Variants in ZBTB8B observed in about 807,000 individuals in gnomAD.
ZBTB8B encodes the protein zinc finger and BTB domain containing 8B.
ZBTB8B carries 17 observed loss-of-function variants against 30.3 expected under a neutral mutation model. The ratio of observed to expected loss-of-function variants is 0.56; its 90% CI spans 0.38 to 0.84. ZBTB8B has a LOEUF of 0.84. Ranked by LOEUF, ZBTB8B falls within the 40% of genes least tolerant of loss-of-function variation. The pLI is 0.00. For missense variants in ZBTB8B, 515 were observed against 644.9 expected (o/e 0.80, Z 2.18); for synonymous variants, 248 against 255.6 (o/e 0.97, Z 0.28).
In ZBTB8B at chr1:32,470,936, C is replaced by T. The variant is rs1643612856; in HGVS notation, c.312C>T (p.Tyr104=). The T allele has an allele frequency of 6.4e-7, 1 of 1,552,222 alleles. No homozygotes were observed. The highest frequency in any genetic ancestry group is 2.4e-5 in the East Asian group (1 of 40,932). ...TTGAAGTGATGTCGGCTGCCAGCTA[C>T]CTGCAGATGAATGACGTGGTGAACT... ...NVIEVMSAAS[Y]LQMNDVVNFC... is the part of the protein sequence containing the mutation. The change falls in exon 2 of 4, where the codon TAC becomes TAT. Residue 104 remains tyrosine, a synonymous_variant. Transcript: ENST00000609129.
chr1:32,467,796 C>A (rs1009542500), intron 1 of ZBTB8B, among the ~76,000 whole-genome samples: 15 of 151,978 alleles, frequency 9.9e-5, no homozygotes, highest in Non-Finnish European at 2.1e-4. Flanking sequence ...AGTTAGGAGT[C>A]TCCCAGTTGC....
chr1:32,482,599 A>G (rs1053406074), intron 3 of ZBTB8B, among the ~76,000 whole-genome samples: 2 of 133,548 alleles, frequency 1.5e-5, no homozygotes, highest in Non-Finnish European at 3.1e-5. Context: ...TGAACCCGGG[A>G]GGTGGAGGTT....
At chr1:32,470,492 G>A (rs983943874) in intron 1 of ZBTB8B, 92 bp from the exon 2 acceptor site, 18 of 1,130,954 alleles carry the variant, frequency 1.6e-5, no homozygotes, top group East Asian at 2.9e-5. Flanking sequence ...AGAGCAAGAC[G>A]CTGACTCAAA....
rs529245953 is a variant in ZBTB8B at position 32,474,415 on chromosome 1, C to T, written c.991+2800C>T. Reference sequence around the variant, plus strand: ...ATTAGCCAGGCGTCATTGCATGTACCCATAGTCCCAGCTACTCAGGAGGCT... The same window carrying T: ...ATTAGCCAGGCGTCATTGCATGTACTCATAGTCCCAGCTACTCAGGAGGCT... On this transcript the variant is annotated intron_variant, in intron 2 of 3. Transcript: ENST00000609129. Among the ~76,000 whole-genome samples the T allele has an allele frequency of 6.1e-4, 89 of 145,938 alleles. No individual in the cohort carries two copies. The Middle Eastern group carries it at 0.011, about 18-fold the overall frequency.
At position 32,471,120 on chromosome 1, in the gene ZBTB8B, G is replaced by C. The variant is rs1472305187; in HGVS notation, c.496G>C (p.Glu166Gln). The change falls in exon 2 of 4, where the codon GAG becomes CAG. Residue 166 changes from glutamate to glutamine, a missense_variant. Physicochemically the swap from Glu to Gln is conservative, Grantham distance 29 (BLOSUM62 2). Transcript: ENST00000609129. ...VDSESPSSGR[E>Q]GTSCGTKSLV... ...CAGTGAAAGCCCCAGTTCAGGCCGGGAGGGGACCTCCTGTGGTACCAAGAG... is the reference window on the plus strand; with the variant it reads ...CAGTGAAAGCCCCAGTTCAGGCCGGCAGGGGACCTCCTGTGGTACCAAGAG... The C allele has an allele frequency of 1.3e-6, 2 of 1,551,682 alleles. No homozygotes were observed. Among genetic ancestry groups the C allele is most frequent in the Non-Finnish European group, 1.7e-6 (2 of 1,147,004 alleles).
At chr1:32,477,079 C>A (rs1186609257) in intron 2 of ZBTB8B, among the ~76,000 whole-genome samples, 5 of 152,114 alleles carry the variant, frequency 3.3e-5, no homozygotes, top group Admixed American at 1.3e-4. Context: ...CTTCCTCTGC[C>A]CAAGATACCT....
chr1:32,472,449 T>A (rs1643631481), intron 2 of ZBTB8B, among the ~76,000 whole-genome samples: 1 of 152,244 alleles, frequency 6.6e-6, no homozygotes, highest in South Asian at 2.1e-4. Context: ...ATTTCCTCTA[T>A]GCTGGGAGGT....
chr1:32,476,228 T>G (rs1385629749), intron 2 of ZBTB8B, among the ~76,000 whole-genome samples: 4 of 152,032 alleles, frequency 2.6e-5, no homozygotes, highest in Non-Finnish European at 5.9e-5. Flanking sequence ...CTCGACCTCC[T>G]GGGCTCAAGT....
intron 2 of ZBTB8B, among the ~76,000 whole-genome samples, chr1:32,478,911 G>T (rs137955756): frequency 1.3e-5 from 2 of 152,212 alleles, no homozygotes; most frequent in Non-Finnish European, 2.9e-5. Flanking sequence ...AAGAGATTAC[G>T]ATGATGACAA....
chr1:32,477,971 C>T (rs1245478363), intron 2 of ZBTB8B, among the ~76,000 whole-genome samples: 1 of 151,216 alleles, frequency 6.6e-6, no homozygotes, highest in African/African-American at 2.4e-5. Flanking sequence ...ACAGGAGATT[C>T]ACTTGAACCT....
At chr1:32,478,650 A>G (rs574979016) in intron 2 of ZBTB8B, among the ~76,000 whole-genome samples, 2 of 152,360 alleles carry the variant, frequency 1.3e-5, no homozygotes, top group East Asian at 3.9e-4. Flanking sequence ...GGAAACAGAT[A>G]TCGGAGTCAC....
chr1:32,468,828 T>C (rs1475287132), intron 1 of ZBTB8B, among the ~76,000 whole-genome samples: 1 of 150,048 alleles, frequency 6.7e-6, no homozygotes, highest in Non-Finnish European at 1.5e-5. Context: ...GCCATTGCAC[T>C]CCAGCCTGGG....
chr1:32,479,166 G>GTGATATGATATGATA (rs55796835), intron 2 of ZBTB8B, among the ~76,000 whole-genome samples: 1 of 151,972 alleles, frequency 6.6e-6, no homozygotes, highest in South Asian at 2.1e-4. Context: ...GCCTTCATAG[G>GTGATATGATATGATA]TGATATGATA....
Position 32,495,783 on chromosome 1 carries a change from G to A in ZBTB8B, c.*10365G>A, listed in dbSNP as rs1332996902. On this transcript the variant is annotated 3_prime_UTR_variant, in exon 4 of 4. Coordinates refer to ENST00000609129, the MANE Select transcript of ZBTB8B (RefSeq NM_001145720.2). ...TGTAGTCCCAGCTACTCCAAAGGCT[G>A]AGGCAGGAGGATTGCTTGAGCCCAG... The A allele has an allele frequency of 6.6e-6, 1 of 152,222 alleles. No homozygotes were observed. The highest frequency in any genetic ancestry group is 2.4e-5 in the African/African-American group (1 of 41,428). 9.4% of individuals were successfully genotyped at this position (152,222 alleles called of 1,614,324 possible). A position where few individuals can be genotyped will look rare whatever the true frequency, so the allele number is the denominator to read the frequency against.
rs1185326465 is a variant in ZBTB8B at position 32,486,029 on chromosome 1, C to T, written c.*611C>T. ...GAATGATCTGAAAGGCTCATTATGG[C>T]ATCCTGACTTGCCCAGTTGAATTAA... On this transcript the variant is annotated 3_prime_UTR_variant, in exon 4 of 4. Transcript: ENST00000609129. 1 of 152,898 alleles carries T rather than the reference C, an allele frequency of 6.5e-6. No homozygotes were observed. The highest frequency in any genetic ancestry group is 1.5e-5 in the Non-Finnish European group (1 of 68,590). 9.5% of individuals were successfully genotyped at this position (152,898 alleles called of 1,614,324 possible).
chr1:32,483,166 G>A (rs115855065), intron 3 of ZBTB8B, among the ~76,000 whole-genome samples: 1,645 of 147,202 alleles, frequency 0.011, 12 homozygotes, highest in Non-Finnish European at 0.017. Context: ...TGGGGTGGAT[G>A]GATCATCGGA....
At chr1:32,473,222 C>T (rs755501779) in intron 2 of ZBTB8B, among the ~76,000 whole-genome samples, 1 of 152,058 alleles carries the variant, frequency 6.6e-6, no homozygotes, top group Non-Finnish European at 1.5e-5. Context: ...AGGAGAATAG[C>T]TTGAACCTAG....
In ZBTB8B at chr1:32,491,525, A is replaced by G. The variant is rs1245826424; in HGVS notation, c.*6107A>G. On this transcript the variant is annotated 3_prime_UTR_variant, in exon 4 of 4. Coordinates refer to ENST00000609129, the MANE Select transcript of ZBTB8B (RefSeq NM_001145720.2). ...GTTGCTCTTCTCTGAAAGTCTCTGCAGCTGTCTGTGTGGCATAGTGCAGGT... is the reference window on the plus strand; with the variant it reads ...GTTGCTCTTCTCTGAAAGTCTCTGCGGCTGTCTGTGTGGCATAGTGCAGGT... 1 of 152,252 alleles carries G rather than the reference A, an allele frequency of 6.6e-6. No homozygotes were observed. The highest frequency in any genetic ancestry group is 1.5e-5 in the Non-Finnish European group (1 of 68,052). 9.4% of individuals were successfully genotyped at this position (152,252 alleles called of 1,614,324 possible). A position where few individuals can be genotyped will look rare whatever the true frequency, so the allele number is the denominator to read the frequency against.
At chr1:32,477,367 C>G (rs1408684996) in intron 2 of ZBTB8B, among the ~76,000 whole-genome samples, 1 of 152,098 alleles carries the variant, frequency 6.6e-6, no homozygotes, top group Non-Finnish European at 1.5e-5. Context: ...GGAGTGAGAT[C>G]AGGAAAGGGG....
Sources: allele counts gnomAD v4.1 joint callset (sites outside exome capture counted in the v4.1 genomes callset), GRCh38; gene constraint gnomAD v4.1.1; transcripts MANE v1.5; gene names NCBI Gene and HGNC (gene_info 2026-07-23, HGNC 2026-07-21).